TENM4: variants seen among roughly 807,000 people sequenced by gnomAD.
TENM4 encodes the protein teneurin-4.
A neutral mutation model predicts 243.3 loss-of-function variants in TENM4; 82 were observed. The observed-to-expected ratio is 0.34, with a 90% CI of 0.28 to 0.40. The LOEUF (loss-of-function observed/expected upper bound fraction) is 0.40. Among genes scored for constraint, TENM4 ranks in the 10% least tolerant of loss-of-function variants. The pLI, the probability that TENM4 is intolerant of heterozygous loss-of-function variation, is 1.00. For missense variants in TENM4, 3,138 were observed against 3,673.3 expected (o/e 0.85, Z 3.77); for synonymous variants, 1,412 against 1,456.3 (o/e 0.97, Z 0.69).
At chr11:79,133,484 C>T (rs1407320513) in intron 4 of TENM4, among the ~76,000 whole-genome samples, 1 of 151,902 alleles carries the variant, frequency 6.6e-6, no homozygotes, top group African/African-American at 2.4e-5. Flanking sequence ...AAGAAGGAAC[C>T]CTCCCTAATT....
At chr11:78,776,188 T>A (rs550208393) in intron 17 of TENM4, among the ~76,000 whole-genome samples, 1 of 152,354 alleles carries the variant, frequency 6.6e-6, no homozygotes, top group East Asian at 1.9e-4. Flanking sequence ...AGGGCCAGAC[T>A]GAACTTCCAA....
intron 2 of TENM4, among the ~76,000 whole-genome samples, chr11:79,239,433 T>C (rs510204): frequency 0.16 from 23,701 of 152,186 alleles, 2,007 homozygotes; most frequent in African/African-American, 0.23. Context: ...AGGCAGGTGT[T>C]ACCCTCATTT....
intron 19 of TENM4, among the ~76,000 whole-genome samples, chr11:78,748,688 C>T (rs1423202297): frequency 6.6e-6 from 1 of 152,132 alleles, no homozygotes; most frequent in African/African-American, 2.4e-5. Flanking sequence ...CTCAGTAGCT[C>T]AGTTTTCATT....
chr11:78,730,123 T>TCACTGAGA (rs1855618551), intron 21 of TENM4, among the ~76,000 whole-genome samples: 1 of 152,200 alleles, frequency 6.6e-6, no homozygotes, highest in Admixed American at 6.5e-5. Context: ...CTCAGTCTCC[T>TCACTGAGA]CACTGGCTTT....
intron 32 of TENM4, among the ~76,000 whole-genome samples, chr11:78,663,117 G>GAGAC (rs371617002): frequency 2.6e-4 from 39 of 152,154 alleles, no homozygotes; most frequent in Non-Finnish European, 4.3e-4. Context: ...GGGCCAGAGG[G>GAGAC]AGACAGACAG....
At chr11:79,334,039 T>C (rs580666) in intron 1 of TENM4, among the ~76,000 whole-genome samples, 64,566 of 152,090 alleles carry the variant, frequency 0.42, 13,982 homozygotes, top group South Asian at 0.61. Context: ...AATGATCGTC[T>C]AAGTCATCTG....
intron 1 of TENM4, among the ~76,000 whole-genome samples, chr11:79,403,013 T>C (rs1858493350): frequency 1.3e-5 from 2 of 152,230 alleles, no homozygotes; most frequent in South Asian, 4.1e-4. Flanking sequence ...GAAATATTTG[T>C]AGGCACATTT....
chr11:78,662,510 A>G (rs1565319538), intron 32 of TENM4, among the ~76,000 whole-genome samples: 2 of 152,200 alleles, frequency 1.3e-5, no homozygotes, highest in African/African-American at 4.8e-5. Context: ...TAGTCTTTAC[A>G]TTGGGCTTGG....
intron 19 of TENM4, 116 bp downstream of exon 19, chr11:78,756,689 C>A (rs1353685116): frequency 6.3e-6 from 6 of 957,328 alleles, no homozygotes; most frequent in Non-Finnish European, 9.4e-6. Context: ...CATCAGGAAC[C>A]ATGGATGCTC....
At chr11:78,676,014 A>C in intron 30 of TENM4, 138 bp downstream of exon 30, 1 of 848,394 alleles carries the variant, frequency 1.2e-6, no homozygotes, top group South Asian at 2.1e-5. Context: ...CTCTGATCAC[A>C]CATGGTTCCC....
At chr11:79,406,797 A>G (rs1375842698) in intron 1 of TENM4, among the ~76,000 whole-genome samples, 2 of 152,168 alleles carry the variant, frequency 1.3e-5, no homozygotes, top group African/African-American at 4.8e-5. Flanking sequence ...TTTTAAAAAA[A>G]TATGGGCAGC....
intron 4 of TENM4, among the ~76,000 whole-genome samples, chr11:79,124,113 C>A (rs1464434929): frequency 2.0e-5 from 3 of 152,170 alleles, no homozygotes; most frequent in Non-Finnish European, 2.9e-5. Flanking sequence ...GACTCTGAGG[C>A]TGGGTACTTT....
At chr11:79,086,555 C>G (rs1278115637) in intron 4 of TENM4, among the ~76,000 whole-genome samples, 1 of 152,172 alleles carries the variant, frequency 6.6e-6, no homozygotes, top group African/African-American at 2.4e-5. Flanking sequence ...GGAACTGGGT[C>G]AGGTCTGGTG....
chr11:79,258,999 A>G (rs1004978266), intron 2 of TENM4, among the ~76,000 whole-genome samples: 1 of 152,182 alleles, frequency 6.6e-6, no homozygotes, highest in Admixed American at 6.5e-5. Flanking sequence ...GGTTCATTCC[A>G]AAATAGTGAA....
In TENM4 at chr11:79,028,644, C is replaced by T. The variant is rs151275635; in HGVS notation, c.493+36094G>A. ...CTTAACCTTGGGCTGGGCAAGGCAG[C>T]TCCTTTCAGGGGAAGACAATTCTCA... On this transcript the variant is annotated intron_variant, in intron 6 of 33. Transcript: ENST00000278550. Among the ~76,000 whole-genome samples, 72 of 152,336 alleles carry T rather than the reference C, an allele frequency of 4.7e-4. 1 individual carries two copies. The highest frequency in any genetic ancestry group is 9.0e-4 in the Non-Finnish European group (61 of 68,032).
chr11:78,848,921 A>G (rs1858464449), intron 12 of TENM4, among the ~76,000 whole-genome samples: 1 of 152,234 alleles, frequency 6.6e-6, no homozygotes. Context: ...ATTTACAGCA[A>G]CCACCTGGAT....
chr11:79,304,374 T>C (rs1360958223), intron 1 of TENM4, among the ~76,000 whole-genome samples: 1 of 152,174 alleles, frequency 6.6e-6, no homozygotes, highest in African/African-American at 2.4e-5. Flanking sequence ...TTCAGGAAAG[T>C]CTGTTGATCT....
In TENM4 at chr11:79,199,528, G is replaced by A. The variant is rs145606144; in HGVS notation, c.-163+16280C>T. Among the ~76,000 whole-genome samples the A allele has an allele frequency of 5.1e-3, 774 of 152,298 alleles. 4 individuals are homozygous for A. The highest frequency in any genetic ancestry group is 0.016 in the African/African-American group (646 of 41,564). On this transcript the variant is annotated intron_variant, in intron 3 of 33. Transcript: ENST00000278550. ...CATTATTTATCCATAATCGTTATGTGTGCTGAGTAGAGGATATGGGACTTT... is the reference window on the plus strand; with the variant it reads ...CATTATTTATCCATAATCGTTATGTATGCTGAGTAGAGGATATGGGACTTT...
intron 6 of TENM4, among the ~76,000 whole-genome samples, chr11:79,003,819 C>T (rs1349069613): frequency 6.6e-6 from 1 of 152,026 alleles, no homozygotes; most frequent in Non-Finnish European, 1.5e-5. Flanking sequence ...AACATAATGA[C>T]AGGATCAAAT....
Sources: allele counts gnomAD v4.1 joint callset (sites outside exome capture counted in the v4.1 genomes callset), GRCh38; gene constraint gnomAD v4.1.1; transcripts MANE v1.5; gene names NCBI Gene and HGNC (gene_info 2026-07-23, HGNC 2026-07-21).